EYA2: variants seen among roughly 807,000 people sequenced by gnomAD.
The protein encoded by EYA2 is EYA transcriptional coactivator and phosphatase 2, also known as protein phosphatase EYA2.
A neutral mutation model predicts 69.2 loss-of-function variants in EYA2; 31 were observed. That is an observed-to-expected ratio of 0.45 (90% CI 0.34 to 0.60). EYA2 has a LOEUF of 0.60. Ranked by LOEUF, EYA2 falls within the 20% of genes least tolerant of loss-of-function variation. The pLI is 0.02. For synonymous variants in EYA2, 257 were observed against 279.4 expected (o/e 0.92, Z 0.80); for missense variants, 622 against 701.2 (o/e 0.89, Z 1.28).
At chr20:46,903,005 A>G (rs779302766) in intron 1 of EYA2, among the ~76,000 whole-genome samples, 1 of 152,230 alleles carries the variant, frequency 6.6e-6, no homozygotes, top group African/African-American at 2.4e-5. Flanking sequence ...TCAATGATTT[A>G]TTATTTATCA....
intron 1 of EYA2, among the ~76,000 whole-genome samples, chr20:46,957,827 C>T (rs1979228517): frequency 6.6e-6 from 1 of 152,182 alleles, no homozygotes; most frequent in African/African-American, 2.4e-5. Flanking sequence ...GTGCTTCTTT[C>T]TTACAGCAGC....
At chr20:47,102,700 C>T (rs1367054052) in intron 9 of EYA2, among the ~76,000 whole-genome samples, 1 of 152,234 alleles carries the variant, frequency 6.6e-6, no homozygotes, top group African/African-American at 2.4e-5. Flanking sequence ...GCTGTCATCT[C>T]TTCACTTCCT....
intron 5 of EYA2, among the ~76,000 whole-genome samples, chr20:47,027,005 C>T (rs1984129658): frequency 3.2e-5 from 1 of 31,124 alleles, no homozygotes; most frequent in Non-Finnish European, 2.3e-4. Flanking sequence ...AGTCTTGCTC[C>T]ATATTTTAAC....
At chr20:47,081,999 C>T (rs554662325) in intron 7 of EYA2, among the ~76,000 whole-genome samples, 12 of 151,532 alleles carry the variant, frequency 7.9e-5, no homozygotes, top group Admixed American at 7.9e-4. Context: ...ACTACCATGC[C>T]CGGCTAATTT....
chr20:46,959,621 C>T (rs1308599777), intron 1 of EYA2, among the ~76,000 whole-genome samples: 5 of 149,800 alleles, frequency 3.3e-5, no homozygotes, highest in East Asian at 2.0e-4. Context: ...CCAACACATA[C>T]GCACACAAAC....
At chr20:47,118,239 C>A (rs117898749) in intron 9 of EYA2, among the ~76,000 whole-genome samples, 1 of 152,362 alleles carries the variant, frequency 6.6e-6, no homozygotes, top group East Asian at 1.9e-4. Flanking sequence ...CTCTCTTCCC[C>A]CTTCCCTCTC....
At chr20:46,945,116 G>GA (rs3092347) in intron 1 of EYA2, among the ~76,000 whole-genome samples, 55,339 of 146,142 alleles carry the variant, frequency 0.38, 10,931 homozygotes, top group Non-Finnish European at 0.46. Context: ...ACCTTGTCTG[G>GA]AAAAAAAAAA....
intron 9 of EYA2, among the ~76,000 whole-genome samples, chr20:47,103,119 A>G (rs571708455): frequency 6.6e-6 from 1 of 152,330 alleles, no homozygotes; most frequent in East Asian, 1.9e-4. Context: ...TACAATCTAC[A>G]TATCATAATT....
chr20:47,181,026 C>A, intron 14 of EYA2, 90 bp downstream of exon 14: 1 of 1,525,378 alleles, frequency 6.6e-7, no homozygotes. Context: ...AGGAACATGA[C>A]ACCACAGAAA....
intron 1 of EYA2, among the ~76,000 whole-genome samples, chr20:46,974,284 A>C (rs547225657): frequency 3.9e-5 from 6 of 152,336 alleles, no homozygotes; most frequent in African/African-American, 1.4e-4. Flanking sequence ...AGATATTCTC[A>C]TATTTGGTTT....
At chr20:47,141,219 GATATTAGCCAGGA>G (rs148225935) in intron 9 of EYA2, among the ~76,000 whole-genome samples, 2,670 of 152,346 alleles carry the variant, frequency 0.018, 117 homozygotes, top group East Asian at 0.17. Context: ...GCACTTCATA[GATATTAGCCAGGA>G]ATATTAGCCA....
At chr20:46,998,680 C>T (rs910679822) in intron 2 of EYA2, among the ~76,000 whole-genome samples, 1 of 152,158 alleles carries the variant, frequency 6.6e-6, no homozygotes, top group Non-Finnish European at 1.5e-5. Flanking sequence ...CAATGAAGTC[C>T]ACACCACCCT....
chr20:47,155,194 A>G (rs762381067), intron 10 of EYA2, among the ~76,000 whole-genome samples: 3 of 151,930 alleles, frequency 2.0e-5, no homozygotes, highest in Non-Finnish European at 4.4e-5. Context: ...AAATCGAATT[A>G]TTAGATTCCT....
intron 1 of EYA2, among the ~76,000 whole-genome samples, chr20:46,938,582 G>A (rs6094519): frequency 6.6e-6 from 1 of 152,074 alleles, no homozygotes. Flanking sequence ...TCCCCACATA[G>A]GCCTCTTCAT....
chr20:46,987,916 G>GACTCTCTCTCCCTCTCCCTCTCTCTC lies in EYA2; in HGVS notation c.-10-2085_-10-2084insACTCTCTCTCCCTCTCCCTCTCTCTC, dbSNP rs56288405. On this transcript the variant is annotated intron_variant, in intron 1 of 15. Coordinates refer to ENST00000327619, the MANE Select transcript of EYA2 (RefSeq NM_005244.5). ...TACTCCAGCCTGGAAGACAGAGTAAGTCTCTCTCTCTCTCTCTCTCTCTCT... is the reference window on the plus strand; with the variant it reads ...TACTCCAGCCTGGAAGACAGAGTAAGACTCTCTCTCCCTCTCCCTCTCTCTCTCTCTCTCTCTCTCTCTCTCTCTCT... Among the ~76,000 whole-genome samples, 2 of 20,352 alleles carry GACTCTCTCTCCCTCTCCCTCTCTCTC rather than the reference G, an allele frequency of 9.8e-5. 1 individual carries two copies. The highest frequency in any genetic ancestry group is 1.9e-4 in the Non-Finnish European group (2 of 10,418). The allele number at this position is 20,352 out of a possible 152,430, so 13.4% of individuals were successfully genotyped here.
At chr20:47,164,306 G>A (rs974899898) in intron 10 of EYA2, among the ~76,000 whole-genome samples, 2 of 152,148 alleles carry the variant, frequency 1.3e-5, no homozygotes, top group Admixed American at 6.5e-5. Context: ...AAATGTGATT[G>A]CTACTGTTGT....
chr20:47,137,137 AT>A (rs34443601), intron 9 of EYA2, among the ~76,000 whole-genome samples: 4 of 151,874 alleles, frequency 2.6e-5, no homozygotes, highest in East Asian at 3.9e-4. Flanking sequence ...GTTTAAATTG[AT>A]TTTTTTTAAA....
At chr20:47,011,266 C>T (rs946393481) in intron 4 of EYA2, among the ~76,000 whole-genome samples, 2 of 152,114 alleles carry the variant, frequency 1.3e-5, no homozygotes, top group Non-Finnish European at 2.9e-5. Flanking sequence ...TCAGTGATAC[C>T]ACAGAGCCAG....
intron 1 of EYA2, chr20:46,978,644 G>A (rs376835154): frequency 1.3e-4 from 72 of 534,644 alleles, no homozygotes; most frequent in Non-Finnish European, 2.5e-4. Flanking sequence ...GAGGTGAGGC[G>A]GGCAGGTTCA....
Sources: allele counts gnomAD v4.1 joint callset (sites outside exome capture counted in the v4.1 genomes callset), GRCh38; gene constraint gnomAD v4.1.1; transcripts MANE v1.5; gene names NCBI Gene and HGNC (gene_info 2026-07-23, HGNC 2026-07-21).